The following DERA variants were observed in gnomAD, a reference collection of about 807,000 sequenced individuals.
DERA encodes the protein deoxyribose-phosphate aldolase.
In DERA, 15 loss-of-function variants were observed where a neutral mutation model predicts 41.1. The ratio of observed to expected loss-of-function variants is 0.37; its 90% CI spans 0.24 to 0.56. DERA has a LOEUF of 0.56. Ranked by LOEUF, DERA falls within the 20% of genes least tolerant of loss-of-function variation. The probability of loss-of-function intolerance (pLI) is 0.81; values close to 1 mark genes in which losing one functional copy is unlikely to be tolerated. For missense variants in DERA, 396 were observed against 403.4 expected (o/e 0.98, Z 0.16); for synonymous variants, 139 against 137.4 (o/e 1.01, Z -0.08).
chr12:16,032,443 C>G (rs1949098707), intron 6 of DERA, 99 bp from the exon 7 acceptor site: 1 of 683,638 alleles, frequency 1.5e-6, no homozygotes, highest in East Asian at 3.0e-5. Context: ...CATTGGGTTT[C>G]TTCGGGAAAA....
chr12:15,912,930 T>A (rs183901995), intron 1 of DERA, among the ~76,000 whole-genome samples: 128 of 152,330 alleles, frequency 8.4e-4, no homozygotes, highest in Non-Finnish European at 2.2e-4. Context: ...TTTTAAACTC[T>A]AGTCCTATCT....
rs2023251262 is a variant in DERA at position 16,008,398 on chromosome 12, T to C, written c.638-24144T>C. On this transcript the variant is annotated intron_variant, in intron 6 of 8. Transcript: ENST00000428559. This position sits in a 1 kb window ranked among gnomAD's most constrained non-coding sequence, Gnocchi z 4.8. ...CTCCTGTCTGATTTGCCAGTGTAGATGGGGTGGGGAATTACCTGCATAGGC... is the reference window on the plus strand; with the variant it reads ...CTCCTGTCTGATTTGCCAGTGTAGACGGGGTGGGGAATTACCTGCATAGGC... Among the ~76,000 whole-genome samples, 1 of 151,738 alleles carries C rather than the reference T, an allele frequency of 6.6e-6. No individual in the cohort carries two copies. The highest frequency in any genetic ancestry group is 2.4e-5 in the African/African-American group (1 of 41,286).
chr12:15,977,119 T>G (rs963017892), intron 5 of DERA, among the ~76,000 whole-genome samples: 1 of 152,214 alleles, frequency 6.6e-6, no homozygotes, highest in African/African-American at 2.4e-5. Context: ...TTTATGCAGC[T>G]TTTTTCCCCT....
At chr12:15,923,311 C>G (rs908025529) in intron 1 of DERA, among the ~76,000 whole-genome samples, 2 of 152,062 alleles carry the variant, frequency 1.3e-5, no homozygotes, top group African/African-American at 4.8e-5. Context: ...CGTGAGCCAC[C>G]GCGCCCGGCC....
At position 15,959,949 on chromosome 12, in the gene DERA, GTTATTTT is replaced by G. The variant is rs1948571566; in HGVS notation, c.373+29_373+35del. On this transcript the variant is annotated intron_variant, in intron 4 of 8. Coordinates refer to ENST00000428559, the MANE Select transcript of DERA (RefSeq NM_015954.4). This position sits in a 1 kb window ranked among gnomAD's most constrained non-coding sequence, Gnocchi z 4.5. The stretch of plus-strand genomic sequence containing the variant: ...GGTAAAATGTGTTGTGGCTTTTGTT[GTTATTTT>G]TTAAACATGTTTCCAGTTCTTCATA... 4 of 1,506,814 alleles carry G rather than the reference GTTATTTT, an allele frequency of 2.7e-6. No individual in the cohort carries two copies. In the East Asian group the frequency reaches 9.9e-5, roughly 37 times the overall value. The allele number at this position is 1,506,814 out of a possible 1,614,324, so 93.3% of individuals were successfully genotyped here.
At chr12:16,034,943 A>G (rs958358495) in intron 7 of DERA, among the ~76,000 whole-genome samples, 6 of 62,354 alleles carry the variant, frequency 9.6e-5, no homozygotes, top group Non-Finnish European at 1.8e-4. Context: ...ACCTCATCCT[A>G]CTTAACCCCC....
chr12:15,949,982 C>T (rs574503453), intron 1 of DERA, among the ~76,000 whole-genome samples: 20 of 152,270 alleles, frequency 1.3e-4, no homozygotes, highest in Admixed American at 1.1e-3. Context: ...TTCCATTTCC[C>T]GTACCTGGCC....
rs753251709 is a variant in DERA, at chr12:16,036,365, C to T, written c.884C>T (p.Ser295Leu). 8 of 1,601,672 alleles carry T rather than the reference C, an allele frequency of 5.0e-6. No individual in the cohort carries two copies. Among genetic ancestry groups the T allele is most frequent in the South Asian group, 2.3e-5 (2 of 88,524 alleles). The change falls in exon 8 of 9, where the codon TCG (serine) becomes TTG (leucine). Residue 295 changes from serine (S) to leucine (L), a missense_variant. Ser to Leu is a moderately radical substitution (Grantham distance 145). Transcript: ENST00000428559. The surrounding 1 kb of genome is among the most constrained non-coding windows in gnomAD (Gnocchi z 4.9). ...LFRIGASTLLSDIERQIYHHV... is the reference protein window; with the variant it reads ...LFRIGASTLLLDIERQIYHHV... Reference sequence around the variant, plus strand: ...CGAATAGGTGCCAGTACTCTGCTCTCGGACATTGAGAGGCAGGTGAGTAAT... The same window carrying T: ...CGAATAGGTGCCAGTACTCTGCTCTTGGACATTGAGAGGCAGGTGAGTAAT...
chr12:15,981,636 T>C lies in DERA; in HGVS notation c.509-672T>C, dbSNP rs1388276757. ...AAATATGAAATAAATCTGGGCCCAA[T>C]GTGGAACCCTCCAAAGCCAGATGTG... On this transcript the variant is annotated intron_variant, in intron 5 of 8. Coordinates refer to ENST00000428559, the MANE Select transcript of DERA (RefSeq NM_015954.4). This position sits in a 1 kb window ranked among gnomAD's most constrained non-coding sequence, Gnocchi z 6.1. 6.6e-6 allele frequency among the ~76,000 whole-genome samples: 1 copy of C among 152,096 alleles called. No homozygotes were observed. The highest frequency in any genetic ancestry group is 2.4e-5 in the African/African-American group (1 of 41,436).
At chr12:15,927,753 T>G (rs544586113) in intron 1 of DERA, among the ~76,000 whole-genome samples, 42 of 152,322 alleles carry the variant, frequency 2.8e-4, no homozygotes, top group African/African-American at 9.4e-4. Flanking sequence ...TTTTGTATGT[T>G]TTATTATTCA....
rs1948359712 is a variant in DERA, at chr12:15,935,719, T to C, written c.32-21217T>C. On this transcript the variant is annotated intron_variant, in intron 1 of 8. Coordinates refer to ENST00000428559, the MANE Select transcript of DERA (RefSeq NM_015954.4). This position sits in a 1 kb window ranked among gnomAD's most constrained non-coding sequence, Gnocchi z 4.8. ...TGCTACTAGAATCTTTTCATATTGG[T>C]TTCTATATGTTGTTTGTTGTTGTGT... Among the ~76,000 whole-genome samples the C allele has an allele frequency of 6.6e-6, 1 of 152,300 alleles. No homozygotes were observed. The highest frequency in any genetic ancestry group is 2.1e-4 in the South Asian group (1 of 4,830).
At position 16,001,345 on chromosome 12, in the gene DERA, A is replaced by G. The variant is rs1436433732; in HGVS notation, c.637+18909A>G. On this transcript the variant is annotated intron_variant, in intron 6 of 8. Transcript: ENST00000428559. This position sits in a 1 kb window ranked among gnomAD's most constrained non-coding sequence, Gnocchi z 4.1. ...CAGGTACTTCTTTATAATTGAATAT[A>G]CTTTTCAGCTAAACCCACCCCTTTC... 1.3e-5 allele frequency among the ~76,000 whole-genome samples: 2 copies of G among 152,204 alleles called. No individual in the cohort carries two copies. The highest frequency in any genetic ancestry group is 2.9e-5 in the Non-Finnish European group (2 of 68,042).
At position 16,017,005 on chromosome 12, in the gene DERA, C is replaced by A. The variant is rs1948987436; in HGVS notation, c.638-15537C>A. Among the ~76,000 whole-genome samples, 1 of 152,130 alleles carries A rather than the reference C, an allele frequency of 6.6e-6. No homozygotes were observed. On this transcript the variant is annotated intron_variant, in intron 6 of 8. Transcript: ENST00000428559. The surrounding 1 kb of genome is among the most constrained non-coding windows in gnomAD (Gnocchi z 5.5). ...AGGTGCTTGTTTCGATCAGGTGCGT[C>A]TACCAGTATTTTGAAGGGTTTGCAT... is the stretch of plus-strand genomic sequence containing the variant.
At chr12:16,023,643 A>G (rs541699211) in intron 6 of DERA, among the ~76,000 whole-genome samples, 23 of 151,136 alleles carry the variant, frequency 1.5e-4, no homozygotes, top group Non-Finnish European at 3.2e-4. Context: ...ACGCCCGGCT[A>G]ATTTTTTGTA....
In DERA at chr12:16,035,920, C is replaced by T. The variant is rs77776430; in HGVS notation, c.751-312C>T. Among the ~76,000 whole-genome samples the T allele has an allele frequency of 2.7e-3, 412 of 152,230 alleles. 3 individuals are homozygous for T. Among genetic ancestry groups the T allele is most frequent in the Middle Eastern group, 0.014 (4 of 294 alleles). ...TTTATTGACACCTTCCTTGTTTATTCCAGGTTCACAGCTATAGTCTAGATG... is the reference window on the plus strand; with the variant it reads ...TTTATTGACACCTTCCTTGTTTATTTCAGGTTCACAGCTATAGTCTAGATG... On this transcript the variant is annotated intron_variant, in intron 7 of 8. Coordinates refer to ENST00000428559, the MANE Select transcript of DERA (RefSeq NM_015954.4). This position sits in a 1 kb window ranked among gnomAD's most constrained non-coding sequence, Gnocchi z 4.1.
intron 4 of DERA, among the ~76,000 whole-genome samples, chr12:15,960,465 C>G (rs1264492634): frequency 6.6e-6 from 1 of 150,788 alleles, no homozygotes; most frequent in Non-Finnish European, 1.5e-5. Context: ...TGGCAAAACC[C>G]CATCTCTACT....
intron 5 of DERA, among the ~76,000 whole-genome samples, chr12:15,973,123 C>G (rs1948675035): frequency 2.6e-5 from 4 of 152,128 alleles, no homozygotes; most frequent in Admixed American, 2.6e-4. Context: ...ATGACCTCTA[C>G]TTCTTCTCAG....
rs906438412 is a variant in DERA at position 15,913,452 on chromosome 12, T to A, written c.31+2038T>A. On this transcript the variant is annotated intron_variant, in intron 1 of 8. Transcript: ENST00000428559. This position sits in a 1 kb window ranked among gnomAD's most constrained non-coding sequence, Gnocchi z 4.5. ...ATGCAGTATATTAACTGATGATTTTTAAAATAGTTTTCTAATTGAAAGTCT... is the reference window on the plus strand; with the variant it reads ...ATGCAGTATATTAACTGATGATTTTAAAAATAGTTTTCTAATTGAAAGTCT... Among the ~76,000 whole-genome samples, 3 of 152,236 alleles carry A rather than the reference T, an allele frequency of 2.0e-5. No homozygotes were observed. Among genetic ancestry groups the A allele is most frequent in the Non-Finnish European group, 2.9e-5 (2 of 68,034 alleles).
intron 1 of DERA, among the ~76,000 whole-genome samples, chr12:15,946,612 C>G (rs1948451341): frequency 6.6e-6 from 1 of 151,566 alleles, no homozygotes; most frequent in African/African-American, 2.4e-5. Context: ...TGATTCTTCT[C>G]TGTTTTCTTC....
Sources: gnomAD v4.1 joint callset for allele counts (sites outside exome capture counted in the v4.1 genomes callset) on GRCh38, gnomAD v4.1.1 for gene constraint, Gnocchi (gnomAD v3.1) non-coding constraint, MANE v1.5 for transcripts, NCBI Gene and HGNC (gene_info 2026-07-23, HGNC 2026-07-21) for gene names.